GNG2: variants seen among roughly 807,000 people sequenced by gnomAD.
GNG2 encodes G protein subunit gamma 2.
GNG2 carries 5 observed loss-of-function variants against 5.5 expected under a neutral mutation model. The ratio of observed to expected loss-of-function variants is 0.91; its 90% CI spans 0.48 to 1.92. The LOEUF is 1.92. GNG2 is among the 30% of genes most tolerant of loss of function. GNG2 has a pLI of 0.01. For synonymous variants in GNG2, 28 were observed against 32.0 expected (o/e 0.88, Z 0.42); for missense variants, 55 against 88.4 (o/e 0.62, Z 1.52).
Position 51,949,930 on chromosome 14 carries a change from G to A in GNG2, c.-29-720G>A, listed in dbSNP as rs151100088. ...ATGGCAGAGACAAAGAAACCATCTC[G>A]CAATCTGCCTAGGAACAGAACTCTA... On this transcript the variant is annotated intron_variant, in intron 2 of 3. Coordinates refer to ENST00000556766, the MANE Select transcript of GNG2 (RefSeq NM_053064.5). Among the ~76,000 whole-genome samples the A allele has an allele frequency of 8.5e-5, 13 of 152,176 alleles. No homozygotes were observed. In the East Asian group the frequency reaches 9.6e-4, roughly 11 times the overall value.
intron 2 of GNG2, among the ~76,000 whole-genome samples, chr14:51,933,236 CA>C (rs1249912837): frequency 1.3e-5 from 2 of 152,218 alleles, no homozygotes; most frequent in African/African-American, 4.8e-5. Context: ...CAAACCAAGA[CA>C]GGGGTCAAAT....
intron 2 of GNG2, among the ~76,000 whole-genome samples, chr14:51,911,601 T>C (rs1386045557): frequency 6.6e-6 from 1 of 151,874 alleles, no homozygotes; most frequent in African/African-American, 2.4e-5. Flanking sequence ...TGGGGTACAG[T>C]GGTGCTATCA....
At chr14:51,891,185 G>A (rs577465107) in intron 2 of GNG2, among the ~76,000 whole-genome samples, 3 of 152,304 alleles carry the variant, frequency 2.0e-5, no homozygotes, top group African/African-American at 4.8e-5. Context: ...AGGGGAGTGC[G>A]GGGCGGGATA....
intron 2 of GNG2, among the ~76,000 whole-genome samples, chr14:51,853,944 G>A (rs1882032424): frequency 6.6e-6 from 1 of 151,230 alleles, no homozygotes; most frequent in African/African-American, 2.4e-5. Flanking sequence ...AGGCTGGAGT[G>A]CAGTGGCACT....
At chr14:51,876,638 T>C (rs561106588) in intron 1 of GNG2, among the ~76,000 whole-genome samples, 1 of 152,156 alleles carries the variant, frequency 6.6e-6, no homozygotes, top group Non-Finnish European at 1.5e-5. Context: ...CTGTCATTAA[T>C]CATGAGATAA....
chr14:51,963,858 T>C (rs1253662), intron 3 of GNG2, among the ~76,000 whole-genome samples: 140,905 of 152,254 alleles, frequency 0.93, 65,698 homozygotes, highest in Non-Finnish European at 0.98. Flanking sequence ...TGGAACAAAA[T>C]AAGGATAAAA....
Position 51,966,217 on chromosome 14 carries a change from A to G in GNG2, c.88-342A>G, listed in dbSNP as rs1424659108. Among the ~76,000 whole-genome samples the G allele has an allele frequency of 2.1e-5, 3 of 144,896 alleles. No homozygotes were observed. In the East Asian group the frequency reaches 5.9e-4, roughly 29 times the overall value. ...AGAGCGAGACTGCATCTCAAAAAAA[A>G]AAAAAAAAAAAAAAAAAAAACAAAT... On this transcript the variant is annotated intron_variant, in intron 3 of 3. Coordinates refer to ENST00000556766, the MANE Select transcript of GNG2 (RefSeq NM_053064.5).
chr14:51,959,105 T>C (rs148788616), intron 3 of GNG2, among the ~76,000 whole-genome samples: 1 of 152,312 alleles, frequency 6.6e-6, no homozygotes, highest in East Asian at 1.9e-4. Flanking sequence ...CTCCTCTAGT[T>C]TGTCTTAGGC....
intron 2 of GNG2, among the ~76,000 whole-genome samples, chr14:51,920,876 G>A (rs1886977440): frequency 6.6e-6 from 1 of 152,184 alleles, no homozygotes; most frequent in Non-Finnish European, 1.5e-5. Flanking sequence ...GAGCTGGGCT[G>A]CTTAGGAGAA....
At chr14:51,896,582 A>T (rs1885207083) in intron 2 of GNG2, among the ~76,000 whole-genome samples, 1 of 152,204 alleles carries the variant, frequency 6.6e-6, no homozygotes, top group Non-Finnish European at 1.5e-5. Flanking sequence ...TATTGCTGTA[A>T]CTAGAAATCA....
Position 51,844,063 on chromosome 14 carries a change from C to T in GNG2, c.64+16256C>T, listed in dbSNP as rs544596803. ...CTGGCTGTGTGTTCTCTTCTCAGTT[C>T]GCTCTGCTCCTTCCTACTTTGTTCT... On this transcript the variant is annotated intron_variant, in intron 2 of 3. Coordinates refer to the GNG2 transcript ENST00000553432. Among the ~76,000 whole-genome samples the T allele has an allele frequency of 2.6e-5, 4 of 152,304 alleles. No homozygotes were observed. In the South Asian group the frequency reaches 6.2e-4, roughly 24 times the overall value.
chr14:51,914,769 GT>G (rs1287090488), intron 2 of GNG2, among the ~76,000 whole-genome samples: 1 of 152,094 alleles, frequency 6.6e-6, no homozygotes, highest in Non-Finnish European at 1.5e-5. Flanking sequence ...AGTTCTTTAT[GT>G]TTTTTTGTGT....
intron 2 of GNG2, among the ~76,000 whole-genome samples, chr14:51,881,908 A>C (rs1180802523): frequency 6.6e-6 from 1 of 151,722 alleles, no homozygotes; most frequent in Non-Finnish European, 1.5e-5. Context: ...TTTTTTCCTC[A>C]ATCTCTTTTT....
intron 2 of GNG2, among the ~76,000 whole-genome samples, chr14:51,948,358 G>T (rs1382366457): frequency 2.0e-5 from 3 of 151,466 alleles, no homozygotes; most frequent in Non-Finnish European, 4.4e-5. Context: ...CAGGGCAGAA[G>T]AGTCACTGGC....
chr14:51,886,888 A>T (rs975755037), intron 2 of GNG2, among the ~76,000 whole-genome samples: 4 of 152,172 alleles, frequency 2.6e-5, no homozygotes, highest in African/African-American at 9.7e-5. Flanking sequence ...GTGGAATAGG[A>T]TGGAGAATGG....
chr14:51,867,001 T>C (rs1882940770), intron 1 of GNG2, among the ~76,000 whole-genome samples: 1 of 152,234 alleles, frequency 6.6e-6, no homozygotes, highest in Non-Finnish European at 1.5e-5. Flanking sequence ...CTGTCTTTCC[T>C]ACATATTTAG....
intron 2 of GNG2, among the ~76,000 whole-genome samples, chr14:51,901,186 C>T (rs963564709): frequency 2.7e-5 from 4 of 147,404 alleles, no homozygotes; most frequent in Non-Finnish European, 4.5e-5. Context: ...GAAAGTATTT[C>T]TTTTTTTTTT....
rs1309871993 is a variant in GNG2 at position 51,969,144 on chromosome 14, G to GA, written c.*2459dup. On this transcript the variant is annotated 3_prime_UTR_variant, in exon 4 of 4. Coordinates refer to ENST00000556766, the MANE Select transcript of GNG2 (RefSeq NM_053064.5). Reference sequence around the variant, plus strand: ...TTCACCAGCATAATTTTATCTTAAGGAATAACTAATAGGAAAAGTCAGCTT... The same window carrying GA: ...TTCACCAGCATAATTTTATCTTAAGGAAATAACTAATAGGAAAAGTCAGCTT... 1.3e-5 allele frequency: 2 copies of GA among 152,108 alleles called. No individual in the cohort carries two copies. Among genetic ancestry groups the GA allele is most frequent in the Admixed American group, 1.3e-4 (2 of 15,272 alleles). The allele number at this position is 152,108 out of a possible 1,614,324, so 9.4% of individuals were successfully genotyped here.
At chr14:51,951,987 C>A in intron 3 of GNG2, 1 of 666,516 alleles carries the variant, frequency 1.5e-6, no homozygotes, top group Admixed American at 2.5e-5. Flanking sequence ...CGAACCACAC[C>A]CAAACCAATT....
Sources: allele counts gnomAD v4.1 joint callset (sites outside exome capture counted in the v4.1 genomes callset), GRCh38; gene constraint gnomAD v4.1.1; transcripts MANE v1.5; gene names NCBI Gene and HGNC (gene_info 2026-07-23, HGNC 2026-07-21).